SHOC1: variants seen among roughly 807,000 people sequenced by gnomAD.
SHOC1 encodes the protein protein shortage in chiasmata 1 ortholog.
SHOC1 carries 136 observed loss-of-function variants against 179.2 expected under a neutral mutation model. The observed-to-expected ratio is 0.76, with a 90% CI of 0.66 to 0.87. SHOC1 has a LOEUF of 0.87. Ranked by LOEUF, SHOC1 falls within the 40% of genes least tolerant of loss-of-function variation. The probability of loss-of-function intolerance (pLI) is 0.00; values close to 1 mark genes in which losing one functional copy is unlikely to be tolerated. For missense variants in SHOC1, 1,538 were observed against 1,700.8 expected (o/e 0.90, Z 1.68); for synonymous variants, 489 against 586.6 (o/e 0.83, Z 2.41).
chr9:111,699,254 G>A (rs991293094), intron 24 of SHOC1, among the ~76,000 whole-genome samples: 1 of 152,140 alleles, frequency 6.6e-6, no homozygotes, highest in Non-Finnish European at 1.5e-5. Context: ...AGAAGACTTA[G>A]CTACTAATTA....
chr9:111,733,727 G>T (rs981856221), intron 12 of SHOC1, among the ~76,000 whole-genome samples: 2 of 152,078 alleles, frequency 1.3e-5, no homozygotes, highest in Non-Finnish European at 2.9e-5. Flanking sequence ...AATTAGCCAG[G>T]CACGGTGGCG....
chr9:111,744,477 CA>C (rs1331357164), intron 10 of SHOC1, among the ~76,000 whole-genome samples: 2 of 152,150 alleles, frequency 1.3e-5, no homozygotes, highest in Admixed American at 1.3e-4. Context: ...TATGCTTTGA[CA>C]CTTTCCTGAG....
At chr9:111,770,170 C>G (rs1377213534) in intron 5 of SHOC1, among the ~76,000 whole-genome samples, 1 of 151,858 alleles carries the variant, frequency 6.6e-6, no homozygotes, top group African/African-American at 2.4e-5. Flanking sequence ...CTATAAACTT[C>G]CCTCTTGGTA....
intron 9 of SHOC1, 24 bp downstream of exon 9, chr9:111,748,068 T>C: frequency 6.7e-7 from 1 of 1,491,374 alleles, no homozygotes; most frequent in Non-Finnish European, 9.4e-7. Flanking sequence ...CCCAATAAGC[T>C]CAATGATTTA....
intron 5 of SHOC1, among the ~76,000 whole-genome samples, chr9:111,763,939 A>G (rs1835248815): frequency 6.6e-6 from 1 of 152,204 alleles, no homozygotes; most frequent in Admixed American, 6.5e-5. Flanking sequence ...AAAAAACAGA[A>G]AACAAGCATT....
chr9:111,775,864 G>C lies in SHOC1; in HGVS notation c.369C>G (p.His123Gln), dbSNP rs1210867455. The part of the protein sequence containing the change: ...IEVEEVSLYT[H>Q]MDYNEVFTPV... ...GGGTAAAGACTTCATTGTAGTCCAT[G>C]TGGGTGTATAAACTGACCTCCTCTA... is the stretch of plus-strand genomic sequence containing the variant. The change falls in exon 5 of 28, where the codon CAC (histidine) becomes CAG (glutamine). Residue 123 changes from histidine (H) to glutamine (Q), a missense_variant. Physicochemically the swap from His to Gln is conservative, Grantham distance 24. Transcript: ENST00000682961. The C allele has an allele frequency of 6.2e-7, 1 of 1,613,828 alleles. No homozygotes were observed. The highest frequency in any genetic ancestry group is 2.2e-5 in the East Asian group (1 of 44,802).
chr9:111,723,583 T>G lies in SHOC1; in HGVS notation c.1954+209A>C, dbSNP rs183428629. Among the ~76,000 whole-genome samples, 238 of 152,178 alleles carry G rather than the reference T, an allele frequency of 1.6e-3. 1 individual carries two copies. Among genetic ancestry groups the G allele is most frequent in the Middle Eastern group, 6.8e-3 (2 of 294 alleles). ...GTTTAAATGAAAGAAGAAATAACAC[T>G]GAGTCGCTTGGGTAGGGCAATGGGG... On this transcript the variant is annotated intron_variant, in intron 14 of 27. Transcript: ENST00000682961.
At chr9:111,763,826 G>T (rs1835243588) in intron 5 of SHOC1, among the ~76,000 whole-genome samples, 1 of 152,074 alleles carries the variant, frequency 6.6e-6, no homozygotes, top group African/African-American at 2.4e-5. Flanking sequence ...AAAACTATTG[G>T]TACACTTGAT....
chr9:111,739,680 C>A (rs918318875), intron 11 of SHOC1, among the ~76,000 whole-genome samples: 2 of 151,956 alleles, frequency 1.3e-5, no homozygotes, highest in Non-Finnish European at 2.9e-5. Context: ...CATGCAGTTG[C>A]AAGAAATAAT....
At chr9:111,718,081 G>T (rs1832875186) in intron 16 of SHOC1, 103 bp downstream of exon 16, 2 of 703,122 alleles carry the variant, frequency 2.8e-6, no homozygotes, top group East Asian at 3.0e-5. Flanking sequence ...AGAAAAGAAG[G>T]CTACATCATT....
At chr9:111,720,700 C>T (rs12683870) in intron 15 of SHOC1, among the ~76,000 whole-genome samples, 76,468 of 151,948 alleles carry the variant, frequency 0.5, 20,849 homozygotes, top group East Asian at 0.87. Context: ...ACTGTGCTTT[C>T]AAGTTAACTT....
chr9:111,690,194 C>T (rs943530476), intron 27 of SHOC1, among the ~76,000 whole-genome samples: 1 of 152,188 alleles, frequency 6.6e-6, no homozygotes, highest in Middle Eastern at 3.4e-3. Context: ...GAGGCCAAGG[C>T]GGGTAGATTA....
intron 22 of SHOC1, among the ~76,000 whole-genome samples, chr9:111,703,449 CTCTT>C (rs1275022288): frequency 6.6e-6 from 1 of 152,090 alleles, no homozygotes; most frequent in African/African-American, 2.4e-5. Flanking sequence ...AAGAGAAATT[CTCTT>C]TCTAAAAACT....
intron 5 of SHOC1, among the ~76,000 whole-genome samples, chr9:111,763,482 A>G (rs1835224615): frequency 6.6e-6 from 1 of 152,164 alleles, no homozygotes; most frequent in Non-Finnish European, 1.5e-5. Context: ...ACTTCTCAAC[A>G]GCAATATTGG....
At chr9:111,715,040 A>G (rs1377373455) in intron 16 of SHOC1, among the ~76,000 whole-genome samples, 1 of 152,184 alleles carries the variant, frequency 6.6e-6, no homozygotes, top group Non-Finnish European at 1.5e-5. Context: ...CACTTAGCCT[A>G]TAAGCTCTTT....
intron 5 of SHOC1, 156 bp from the exon 6 acceptor site, chr9:111,759,004 T>C: frequency 2.1e-6 from 2 of 944,774 alleles, no homozygotes; most frequent in South Asian, 1.7e-5. Flanking sequence ...ATATAGAGCA[T>C]GTAGCATAGT....
intron 26 of SHOC1, 119 bp from the exon 27 acceptor site, chr9:111,692,630 T>A (rs959115434): frequency 3.3e-6 from 2 of 605,568 alleles, no homozygotes; most frequent in African/African-American, 3.8e-5. Flanking sequence ...ATTACATTGA[T>A]CCAGGTATTA....
chr9:111,771,127 T>C (rs746426672), intron 5 of SHOC1, among the ~76,000 whole-genome samples: 2 of 152,190 alleles, frequency 1.3e-5, no homozygotes, highest in Non-Finnish European at 2.9e-5. Flanking sequence ...CTTTCTCTGA[T>C]AGTACGTTTT....
chr9:111,752,149 T>A (rs1007155475), intron 8 of SHOC1, among the ~76,000 whole-genome samples: 1 of 152,168 alleles, frequency 6.6e-6, no homozygotes, highest in Non-Finnish European at 1.5e-5. Flanking sequence ...TGGATAAAAA[T>A]CTGTGGTCTT....
Sources: allele counts gnomAD v4.1 joint callset (sites outside exome capture counted in the v4.1 genomes callset), GRCh38; gene constraint gnomAD v4.1.1; transcripts MANE v1.5; gene names NCBI Gene and HGNC (gene_info 2026-07-23, HGNC 2026-07-21).